The following PDE5A variants were observed in gnomAD, a reference collection of about 807,000 sequenced individuals.
The protein encoded by PDE5A is cGMP-specific 3',5'-cyclic phosphodiesterase.
PDE5A carries 67 observed loss-of-function variants against 110.2 expected under a neutral mutation model. The observed-to-expected ratio is 0.61, with a 90% confidence interval of 0.50 to 0.75. The LOEUF (loss-of-function observed/expected upper bound fraction) is 0.75, where lower values mean the gene tolerates loss of function less well. Ranked by LOEUF, PDE5A falls within the 30% of genes least tolerant of loss-of-function variation. The pLI is 0.00. For synonymous variants in PDE5A, 328 were observed against 351.2 expected (o/e 0.93, Z 0.74); for missense variants, 862 against 1,045.1 (o/e 0.82, Z 2.42).
chr4:119,558,833 C>T (rs1252893887), intron 7 of PDE5A, among the ~76,000 whole-genome samples: 2 of 142,784 alleles, frequency 1.4e-5, no homozygotes, highest in African/African-American at 5.2e-5. Context: ...GGGAGAATGG[C>T]GTGAACCCGG....
At chr4:119,556,142 A>G (rs866938005) in intron 7 of PDE5A, among the ~76,000 whole-genome samples, 4 of 152,332 alleles carry the variant, frequency 2.6e-5, no homozygotes, top group Middle Eastern at 3.4e-3. Context: ...TTGTCCTTCA[A>G]TAATTCTCCT....
At chr4:119,588,528 TAAA>T (rs35632964) in intron 3 of PDE5A, among the ~76,000 whole-genome samples, 266 of 139,694 alleles carry the variant, frequency 1.9e-3, no homozygotes, top group Admixed American at 2.4e-3. Flanking sequence ...TTTGCTTCAT[TAAA>T]AAAAAAAAAA....
chr4:119,507,489 TA>T, intron 16 of PDE5A, 114 bp downstream of exon 16: 1 of 674,124 alleles, frequency 1.5e-6, no homozygotes, highest in Non-Finnish European at 2.5e-6. Flanking sequence ...CGTATTCTGA[TA>T]AGCAGTTTTG....
At chr4:119,522,363 T>C (rs1726157882) in intron 12 of PDE5A, among the ~76,000 whole-genome samples, 1 of 152,056 alleles carries the variant, frequency 6.6e-6, no homozygotes, top group Non-Finnish European at 1.5e-5. Context: ...AGGAAGGTGA[T>C]GGATGAATCT....
At chr4:119,510,630 C>T (rs1299739964) in intron 15 of PDE5A, among the ~76,000 whole-genome samples, 1 of 152,036 alleles carries the variant, frequency 6.6e-6, no homozygotes, top group Non-Finnish European at 1.5e-5. Flanking sequence ...AGTTAAATAG[C>T]TTTATTCTTT....
intron 3 of PDE5A, among the ~76,000 whole-genome samples, chr4:119,591,815 T>C (rs1728973571): frequency 6.6e-6 from 1 of 152,000 alleles, no homozygotes; most frequent in Non-Finnish European, 1.5e-5. Flanking sequence ...GGGAGCAAGA[T>C]GAGAAGGAAG....
At chr4:119,578,343 A>C (rs1409076768) in intron 3 of PDE5A, among the ~76,000 whole-genome samples, 3 of 152,232 alleles carry the variant, frequency 2.0e-5, no homozygotes, top group Non-Finnish European at 4.4e-5. Context: ...ACTACTTTAG[A>C]GTTCATATGG....
intron 1 of PDE5A, among the ~76,000 whole-genome samples, chr4:119,616,414 C>G (rs1046358255): frequency 1.3e-5 from 2 of 152,144 alleles, no homozygotes; most frequent in African/African-American, 4.8e-5. Flanking sequence ...TCTCGAAACT[C>G]TTTACACAAT....
intron 12 of PDE5A, among the ~76,000 whole-genome samples, chr4:119,521,921 T>C (rs1002775034): frequency 2.0e-5 from 3 of 152,008 alleles, no homozygotes; most frequent in Non-Finnish European, 4.4e-5. Flanking sequence ...TTTTGGGGAT[T>C]TGTAAAATAA....
intron 1 of PDE5A, 48 bp downstream of exon 1, chr4:119,628,472 A>C: frequency 6.9e-7 from 1 of 1,458,362 alleles, no homozygotes; most frequent in Non-Finnish European, 9.3e-7. Flanking sequence ...GCACAATTCA[A>C]CAGGGGAGAG....
intron 3 of PDE5A, among the ~76,000 whole-genome samples, chr4:119,583,927 TAGC>T (rs2110524097): frequency 6.6e-6 from 1 of 152,242 alleles, no homozygotes; most frequent in Non-Finnish European, 1.5e-5. Flanking sequence ...ATGGGAGAAA[TAGC>T]AGCATGTTTG....
At chr4:119,601,260 G>A (rs1729333600) in intron 2 of PDE5A, among the ~76,000 whole-genome samples, 1 of 152,122 alleles carries the variant, frequency 6.6e-6, no homozygotes, top group South Asian at 2.1e-4. Flanking sequence ...CTGGAGAGGG[G>A]AGACTGGCTG....
Position 119,607,218 on chromosome 4 carries a change from A to G in PDE5A, c.232T>C (p.Ser78Pro). 2 of 1,614,098 alleles carry G rather than the reference A, an allele frequency of 1.2e-6. No homozygotes were observed. The highest frequency in any genetic ancestry group is 3.3e-5 in the Admixed American group (2 of 60,020). The change falls in exon 2 of 21, where the codon TCT becomes CCT. Residue 78 changes from serine to proline, a missense_variant. Ser to Pro is a moderately conservative substitution (Grantham distance 74). Coordinates refer to ENST00000354960, the MANE Select transcript of PDE5A (RefSeq NM_001083.4). ...CKEGIRGHTESCSCPLQQSPR... is the reference protein window; with the variant it reads ...CKEGIRGHTEPCSCPLQQSPR... ...CTCTGCTGCAAGGGACAAGAGCAAG[A>G]TTCGGTGTGGCCTCTGATACCTTCC...
intron 2 of PDE5A, among the ~76,000 whole-genome samples, chr4:119,605,740 C>A (rs1194741880): frequency 2.0e-5 from 3 of 152,108 alleles, no homozygotes; most frequent in African/African-American, 4.8e-5. Context: ...CTGTTAATGA[C>A]CTGCTCTCTA....
chr4:119,505,992 G>A, intron 16 of PDE5A, 60 bp from the exon 17 acceptor site: 1 of 912,228 alleles, frequency 1.1e-6, no homozygotes, highest in Non-Finnish European at 1.6e-6. Context: ...TATCCCTTTG[G>A]TCCACAAAGA....
At chr4:119,521,452 C>T (rs1476823280) in intron 12 of PDE5A, among the ~76,000 whole-genome samples, 2 of 150,814 alleles carry the variant, frequency 1.3e-5, no homozygotes, top group African/African-American at 4.9e-5. Flanking sequence ...CAAAGGTTCA[C>T]ATAGGTATGA....
At chr4:119,605,789 A>G (rs75982603) in intron 2 of PDE5A, among the ~76,000 whole-genome samples, 209 of 152,254 alleles carry the variant, frequency 1.4e-3, no homozygotes, top group African/African-American at 4.9e-3. Flanking sequence ...TTTTAATTCA[A>G]CCAATATTTA....
At chr4:119,604,843 T>C (rs1729471337) in intron 2 of PDE5A, among the ~76,000 whole-genome samples, 1 of 152,154 alleles carries the variant, frequency 6.6e-6, no homozygotes, top group Non-Finnish European at 1.5e-5. Flanking sequence ...GCAAAAGTAA[T>C]CGCAGTTTTT....
At position 119,548,820 on chromosome 4, in the gene PDE5A, T is replaced by G. The variant is rs1302765111; in HGVS notation, c.1396+3730A>C. 3 of 152,306 alleles carry G rather than the reference T, an allele frequency of 2.0e-5. No individual in the cohort carries two copies. In the East Asian group the frequency reaches 5.8e-4, roughly 29 times the overall value. 9.4% of individuals were successfully genotyped at this position (152,306 alleles called of 1,614,324 possible). A position where few individuals can be genotyped will look rare whatever the true frequency, so the allele number is the denominator to read the frequency against. On this transcript the variant is annotated intron_variant, in intron 9 of 20. Coordinates refer to ENST00000354960, the MANE Select transcript of PDE5A (RefSeq NM_001083.4). ...ACTGCCCTTACACCCTACAGTCTTA[T>G]TTCCTTGTGCTCATTATAACTAAGC... is the stretch of plus-strand genomic sequence containing the variant.
Sources: allele counts gnomAD v4.1 joint callset (sites outside exome capture counted in the v4.1 genomes callset), GRCh38; gene constraint gnomAD v4.1.1; transcripts MANE v1.5; gene names NCBI Gene and HGNC (gene_info 2026-07-23, HGNC 2026-07-21).